Variants in RASEF observed in about 807,000 individuals in gnomAD.
RASEF encodes the protein RAS and EF-hand domain containing, also known as ras and EF-hand domain-containing protein.
A neutral mutation model predicts 90.1 loss-of-function variants in RASEF; 68 were observed. The ratio of observed to expected loss-of-function variants is 0.75; its 90% confidence interval spans 0.62 to 0.92. The LOEUF is 0.92. Ranked by LOEUF, RASEF falls within the 40% of genes least tolerant of loss-of-function variation. The pLI, the probability that RASEF is intolerant of heterozygous loss-of-function variation, is 0.00. For missense variants in RASEF, 949 were observed against 937.2 expected, an observed-to-expected ratio of 1.01 and a Z score of -0.16; for synonymous variants, 331 against 345.2, an observed-to-expected ratio of 0.96 and a Z score of 0.46.
chr9:83,044,944 G>A (rs1404714216), intron 1 of RASEF, among the ~76,000 whole-genome samples: 2 of 152,178 alleles, frequency 1.3e-5, no homozygotes, highest in Non-Finnish European at 2.9e-5. Flanking sequence ...AGGAGGAAGA[G>A]GGAATTCTGC....
rs571664062 is a variant in RASEF, at chr9:83,046,285, C to CT, written c.431+16151dup. Among the ~76,000 whole-genome samples, 89 of 152,138 alleles carry CT rather than the reference C, an allele frequency of 5.8e-4. 2 individuals are homozygous for CT. The East Asian group carries it at 0.012, about 20-fold the overall frequency. On this transcript the variant is annotated intron_variant, in intron 1 of 16. Coordinates refer to ENST00000376447, the MANE Select transcript of RASEF (RefSeq NM_152573.4). ...TATGTCTATTAAGAATCTCGCATGA[C>CT]TTTTTTTACTGTGCTAGTATTTTAT...
At chr9:83,049,145 T>G in intron 1 of RASEF, 1 of 180,632 alleles carries the variant, frequency 5.5e-6, no homozygotes, top group Non-Finnish European at 1.0e-5. Context: ...AAAAAAAGAA[T>G]CCTGTGAATT....
chr9:83,196,769 C>T, the RASEF span, among the ~76,000 whole-genome samples: 1 of 152,080 alleles, frequency 6.6e-6, no homozygotes. Flanking sequence ...ATTATTGACT[C>T]CCTAAATTTC....
At chr9:83,004,691 A>G in intron 8 of RASEF, 105 bp from the exon 9 acceptor site, 1 of 675,300 alleles carries the variant, frequency 1.5e-6, no homozygotes, top group East Asian at 2.7e-5. Context: ...GTAGCACACT[A>G]CTCAAACTTC....
At chr9:83,032,525 T>C (rs1188487755) in intron 1 of RASEF, among the ~76,000 whole-genome samples, 1 of 152,216 alleles carries the variant, frequency 6.6e-6, no homozygotes, top group African/African-American at 2.4e-5. Flanking sequence ...AACACTAATA[T>C]ACCTAATTTG....
rs1400090400 is a variant in RASEF at position 82,979,634 on chromosome 9, T to C, written c.*3043A>G. Reference sequence around the variant, plus strand: ...ATTGAATTTACAACGTAGAAAATATTTGTAGTTCCTTAGACATTTGCATTG... The same window carrying C: ...ATTGAATTTACAACGTAGAAAATATCTGTAGTTCCTTAGACATTTGCATTG... On this transcript the variant is annotated 3_prime_UTR_variant, in exon 17 of 17. Coordinates refer to ENST00000376447, the MANE Select transcript of RASEF (RefSeq NM_152573.4). 6.6e-6 allele frequency: 1 copy of C among 152,218 alleles called. No individual in the cohort carries two copies. The highest frequency in any genetic ancestry group is 6.5e-5 in the Admixed American group (1 of 15,276). The allele number at this position is 152,218 out of a possible 1,614,324, so 9.4% of individuals were successfully genotyped here.
intron 14 of RASEF, among the ~76,000 whole-genome samples, chr9:82,993,737 G>A (rs1335061853): frequency 1.3e-5 from 2 of 152,162 alleles, no homozygotes; most frequent in Admixed American, 1.3e-4. Context: ...ATTGTCACAG[G>A]GTCCCACAGT....
At chr9:83,188,846 G>C in the RASEF span, among the ~76,000 whole-genome samples, 5 of 152,140 alleles carry the variant, frequency 3.3e-5, no homozygotes, top group Non-Finnish European at 5.9e-5. Flanking sequence ...ATTGGTATTA[G>C]TCAACCACAG....
intron 1 of RASEF, among the ~76,000 whole-genome samples, chr9:83,049,529 C>CTTTTTTTTTT (rs10687615): frequency 6.4e-4 from 63 of 99,054 alleles, no homozygotes; most frequent in South Asian, 1.6e-3. Context: ...TTCTGCCTTC[C>CTTTTTTTTTT]TTTTTTTTTT....
At chr9:83,145,208 A>G in the RASEF span, among the ~76,000 whole-genome samples, 2 of 152,152 alleles carry the variant, frequency 1.3e-5, no homozygotes, top group East Asian at 3.9e-4. Flanking sequence ...AACCCTATTT[A>G]TAACTATAAC....
the RASEF span, among the ~76,000 whole-genome samples, chr9:83,158,653 T>A: frequency 1.0e-4 from 1 of 9,800 alleles, no homozygotes; most frequent in Non-Finnish European, 1.9e-4. Flanking sequence ...TATGTCCAAA[T>A]ATATACATAT....
intron 2 of RASEF, among the ~76,000 whole-genome samples, chr9:83,024,077 A>G (rs1357321122): frequency 6.6e-6 from 1 of 152,210 alleles, no homozygotes; most frequent in Non-Finnish European, 1.5e-5. Context: ...AATTAAAAAT[A>G]GCAGTGAGGA....
intron 1 of RASEF, among the ~76,000 whole-genome samples, chr9:83,035,500 C>A (rs1041235209): frequency 6.6e-6 from 1 of 152,264 alleles, no homozygotes; most frequent in Admixed American, 6.5e-5. Flanking sequence ...CAAACTTTTT[C>A]ATATACAGAA....
chr9:83,048,337 C>T (rs1829970130), intron 1 of RASEF: 12 of 985,204 alleles, frequency 1.2e-5, no homozygotes, highest in African/African-American at 1.7e-5. Context: ...CTGAGTGTAG[C>T]TGGTCTGTTT....
intron 16 of RASEF, among the ~76,000 whole-genome samples, chr9:82,983,107 C>CCACACA (rs10539196): frequency 0.018 from 2,282 of 128,596 alleles, 35 homozygotes; most frequent in African/African-American, 0.037. Context: ...GAGTACCAGG[C>CCACACA]CACACACACA....
chr9:82,995,332 T>C (rs1422569002), intron 14 of RASEF, among the ~76,000 whole-genome samples: 1 of 152,230 alleles, frequency 6.6e-6, no homozygotes, highest in East Asian at 1.9e-4. Flanking sequence ...TTTTAAACAC[T>C]AGTATGGATG....
At chr9:83,127,577 G>C in the RASEF span, among the ~76,000 whole-genome samples, 16 of 152,168 alleles carry the variant, frequency 1.1e-4, no homozygotes, top group Non-Finnish European at 2.2e-4. Flanking sequence ...TCATGTAGGC[G>C]CTGCCAGTAA....
At chr9:83,088,850 T>C in the RASEF span, among the ~76,000 whole-genome samples, 1 of 152,010 alleles carries the variant, frequency 6.6e-6, no homozygotes, top group Non-Finnish European at 1.5e-5. Context: ...ACCATAGAGT[T>C]GTATCATTTT....
chr9:83,123,747 C>T, the RASEF span, among the ~76,000 whole-genome samples: 1 of 152,238 alleles, frequency 6.6e-6, no homozygotes, highest in East Asian at 1.9e-4. Flanking sequence ...ACTGATCAGG[C>T]TTCCACACTA....
Sources: gnomAD v4.1 joint callset for allele counts (sites outside exome capture counted in the v4.1 genomes callset) on GRCh38, gnomAD v4.1.1 for gene constraint, MANE v1.5 for transcripts, NCBI Gene and HGNC (gene_info 2026-07-23, HGNC 2026-07-21) for gene names.